Variants in UQCC1 observed in about 807,000 individuals in gnomAD.
UQCC1 encodes ubiquinol-cytochrome c reductase complex assembly factor 1, also known as bFGF-repressed Zic-binding protein.
A neutral mutation model predicts 48.0 loss-of-function variants in UQCC1; 38 were observed. That is an observed-to-expected ratio of 0.79 (90% CI 0.61 to 1.04). The LOEUF (loss-of-function observed/expected upper bound fraction) is 1.04. Ranked by LOEUF, UQCC1 falls within the 50% of genes least tolerant of loss-of-function variation. The probability of loss-of-function intolerance (pLI) is 0.00; values close to 1 mark genes in which losing one functional copy is unlikely to be tolerated. For missense variants in UQCC1, 368 were observed against 381.8 expected, an observed-to-expected ratio of 0.96 and a Z score of 0.30; for synonymous variants, 111 against 129.2, an observed-to-expected ratio of 0.86 and a Z score of 0.95.
At chr20:35,398,256 G>A (rs2062109844) in intron 1 of UQCC1, among the ~76,000 whole-genome samples, 1 of 152,178 alleles carries the variant, frequency 6.6e-6, no homozygotes, top group African/African-American at 2.4e-5. Flanking sequence ...CTAAAGGCAG[G>A]AAGTACTGTT....
intron 1 of UQCC1, among the ~76,000 whole-genome samples, chr20:35,406,312 C>T (rs1482216558): frequency 6.6e-6 from 1 of 152,180 alleles, no homozygotes; most frequent in Non-Finnish European, 1.5e-5. Context: ...ACAGACACAT[C>T]ATATGCAAGC....
At chr20:35,347,733 T>C (rs958353638) in intron 6 of UQCC1, among the ~76,000 whole-genome samples, 3 of 152,198 alleles carry the variant, frequency 2.0e-5, no homozygotes, top group East Asian at 1.9e-4. Flanking sequence ...CCTGTGGCTA[T>C]TGAGCATTTT....
At chr20:35,363,614 A>G (rs2061632604) in intron 6 of UQCC1, among the ~76,000 whole-genome samples, 1 of 152,226 alleles carries the variant, frequency 6.6e-6, no homozygotes, top group African/African-American at 2.4e-5. Context: ...CTAAGAGTCA[A>G]CAGGGAACCC....
At chr20:35,321,279 T>C (rs1281347575) in intron 7 of UQCC1, among the ~76,000 whole-genome samples, 209 of 138,956 alleles carry the variant, frequency 1.5e-3, no homozygotes, top group African/African-American at 5.8e-3. Context: ...TGTGTGTGTG[T>C]GTGTGCGCGC....
At chr20:35,404,068 T>C (rs2062209760) in intron 1 of UQCC1, among the ~76,000 whole-genome samples, 1 of 149,840 alleles carries the variant, frequency 6.7e-6, no homozygotes. Context: ...AAACCCCATC[T>C]CTACTAAAAA....
intron 1 of UQCC1, among the ~76,000 whole-genome samples, chr20:35,410,726 AAAACCCTAAAGGGTGGCAGGGGAAGGATT>A (rs1435967376): frequency 1.1e-4 from 12 of 112,918 alleles, no homozygotes; most frequent in South Asian, 3.0e-4. Context: ...AAAAAAAAAC[AAAACCCTAAAGGGTGGCAGGGGAAGGATT>A]AAAAAAAAAA....
At chr20:35,331,752 G>A (rs1235944811) in intron 7 of UQCC1, among the ~76,000 whole-genome samples, 2 of 152,202 alleles carry the variant, frequency 1.3e-5, no homozygotes, top group Admixed American at 6.5e-5. Flanking sequence ...GGAGACGGAT[G>A]AAAGATAGGA....
intron 7 of UQCC1, among the ~76,000 whole-genome samples, chr20:35,330,851 T>C (rs112412708): frequency 1.3e-5 from 2 of 151,834 alleles, no homozygotes; most frequent in African/African-American, 2.4e-5. Context: ...AGGCTCTGCA[T>C]TGGAGCCTGC....
At chr20:35,394,637 A>C (rs990872496) in intron 1 of UQCC1, among the ~76,000 whole-genome samples, 3 of 152,176 alleles carry the variant, frequency 2.0e-5, no homozygotes, top group African/African-American at 7.2e-5. Context: ...CTTCCGGTAA[A>C]GATGAAAAAC....
rs1050749149 is a variant in UQCC1 at position 35,398,764 on chromosome 20, G to T, written c.25-4568C>A. ...TTCAGGGCCAAAGGTGGGGGGGGGG[G>T]GGGGGCGGTGCAGGGGGAGCAAGAG... On this transcript the variant is annotated intron_variant, in intron 1 of 9. Transcript: ENST00000374385. 3.6e-5 allele frequency among the ~76,000 whole-genome samples: 5 copies of T among 140,188 alleles called. No individual in the cohort carries two copies. In the South Asian group the frequency reaches 1.0e-3, roughly 28 times the overall value. 92.0% of individuals were successfully genotyped at this position (140,188 alleles called of 152,430 possible). A position where few individuals can be genotyped will look rare whatever the true frequency, so the allele number is the denominator to read the frequency against.
At chr20:35,376,533 T>C (rs74423185) in intron 4 of UQCC1, among the ~76,000 whole-genome samples, 1 of 151,136 alleles carries the variant, frequency 6.6e-6, no homozygotes, top group African/African-American at 2.4e-5. Context: ...TACAAACTAT[T>C]AAAGCTCACT....
chr20:35,401,691 CA>C (rs1460424984), intron 1 of UQCC1, among the ~76,000 whole-genome samples: 2 of 110,748 alleles, frequency 1.8e-5, no homozygotes, highest in Admixed American at 1.3e-4. Context: ...GACAGAGTTT[CA>C]CTCTTGTTGC....
intron 5 of UQCC1, among the ~76,000 whole-genome samples, chr20:35,371,344 GT>G (rs397721939): frequency 6.9e-5 from 10 of 145,030 alleles, no homozygotes; most frequent in African/African-American, 7.6e-5. Context: ...GGTTTTTTTT[GT>G]TTTTTTTTTT....
intron 6 of UQCC1, among the ~76,000 whole-genome samples, chr20:35,353,812 G>C (rs1055275363): frequency 2.6e-5 from 4 of 151,880 alleles, no homozygotes; most frequent in African/African-American, 9.7e-5. Context: ...AATTAGCTTA[G>C]CTTAAGTGTA....
intron 5 of UQCC1, among the ~76,000 whole-genome samples, chr20:35,373,338 A>G (rs1269663981): frequency 6.6e-6 from 1 of 152,218 alleles, no homozygotes; most frequent in East Asian, 1.9e-4. Flanking sequence ...TTAAAAATTA[A>G]AAACAGGAAT....
At chr20:35,328,180 G>A (rs1375333461) in intron 7 of UQCC1, among the ~76,000 whole-genome samples, 1 of 152,104 alleles carries the variant, frequency 6.6e-6, no homozygotes, top group Non-Finnish European at 1.5e-5. Context: ...ATGTTAAAGA[G>A]ATGATCTCTT....
intron 7 of UQCC1, among the ~76,000 whole-genome samples, chr20:35,338,106 G>A (rs577435934): frequency 2.9e-4 from 44 of 152,002 alleles, no homozygotes; most frequent in African/African-American, 1.1e-3. Flanking sequence ...ATGATGTAGA[G>A]ACACTCAGAC....
At position 35,304,031 on chromosome 20, in the gene UQCC1, A is replaced by C; in HGVS notation, c.804T>G (p.Leu268=). 2 of 1,614,142 alleles carry C rather than the reference A, an allele frequency of 1.2e-6. No homozygotes were observed. Among genetic ancestry groups the C allele is most frequent in the Non-Finnish European group, 8.5e-7 (1 of 1,179,998 alleles). Residue 268 remains leucine, a synonymous_variant, in exon 10 of 10, where the codon CTT becomes CTG. Coordinates refer to ENST00000374385, the MANE Select transcript of UQCC1 (RefSeq NM_018244.5). The stretch of plus-strand genomic sequence containing the variant: ...GGCGCCAGCTCACCTCCCCTGTCAG[A>C]AGCAGATCCTCCCCGTTCATGGAGT... ...YLDSMNGEDL[L]LTGEVSWRPL...
Position 35,394,096 on chromosome 20 carries a change from G to T in UQCC1, c.125C>A (p.Ser42Tyr), listed in dbSNP as rs1601012416. Reference sequence around the variant, plus strand: ...CAAAAGAACAACAAATCTTACCTGGGAAGTGCGAGACAGAGCCCTGTCCCC... The same window carrying T: ...CAAAAGAACAACAAATCTTACCTGGTAAGTGCGAGACAGAGCCCTGTCCCC... ...GQGDRALSRT[S>Y]QWPQMSQSRA... The change falls in exon 2 of 10, where the codon TCC (serine) becomes TAC (tyrosine). Residue 42 changes from serine to tyrosine, a missense_variant. Physicochemically the swap from Ser to Tyr is moderately radical, Grantham distance 144. Coordinates refer to ENST00000374385, the MANE Select transcript of UQCC1 (RefSeq NM_018244.5). The T allele has an allele frequency of 1.2e-6, 2 of 1,613,232 alleles. No individual in the cohort carries two copies. Among genetic ancestry groups the T allele is most frequent in the East Asian group, 4.5e-5 (2 of 44,878 alleles).
Sources: allele counts gnomAD v4.1 joint callset (sites outside exome capture counted in the v4.1 genomes callset), GRCh38; gene constraint gnomAD v4.1.1; transcripts MANE v1.5; gene names NCBI Gene and HGNC (gene_info 2026-07-23, HGNC 2026-07-21).